The following COQ3 variants were observed in gnomAD, a reference collection of about 807,000 sequenced individuals.
COQ3 encodes ubiquinone biosynthesis O-methyltransferase, mitochondrial.
In COQ3, 29 loss-of-function variants were observed where a neutral mutation model predicts 33.1. The ratio of observed to expected loss-of-function variants is 0.88; its 90% CI spans 0.65 to 1.19. The LOEUF (loss-of-function observed/expected upper bound fraction) is 1.19, where lower values mean the gene tolerates loss of function less well. COQ3 is among the 50% of genes most tolerant of loss of function. The pLI is 0.00. For synonymous variants in COQ3, 173 were observed against 157.8 expected (o/e 1.10, Z -0.72); for missense variants, 437 against 430.7 (o/e 1.01, Z -0.13).
intron 1 of COQ3, 121 bp downstream of exon 1, chr6:99,393,953 G>A (rs1011979779): frequency 5.2e-6 from 4 of 765,826 alleles, no homozygotes; most frequent in African/African-American, 5.2e-5. Flanking sequence ...CCAAGCCTTA[G>A]GTTTCGCGCT....
intron 2 of COQ3, among the ~76,000 whole-genome samples, chr6:99,383,422 T>C (rs1352108845): frequency 6.6e-6 from 1 of 152,234 alleles, no homozygotes; most frequent in Non-Finnish European, 1.5e-5. Flanking sequence ...CTCTAAGTAA[T>C]AGCCTTATAT....
In COQ3 at chr6:99,377,320, T is replaced by C. The variant is rs566327378; in HGVS notation, c.486+66A>G. On this transcript the variant is annotated intron_variant, in intron 4 of 6. Coordinates refer to ENST00000254759, the MANE Select transcript of COQ3 (RefSeq NM_017421.4). Reference sequence around the variant, plus strand: ...TAATATTATTTGTTGAAAGAATAAATGAGGCACAAGTCTACTTCTTAATTT... The same window carrying C: ...TAATATTATTTGTTGAAAGAATAAACGAGGCACAAGTCTACTTCTTAATTT... The C allele has an allele frequency of 6.1e-6, 7 of 1,156,802 alleles. No individual in the cohort carries two copies. The Admixed American group carries it at 6.9e-5, about 11-fold the overall frequency. The allele number at this position is 1,156,802 out of a possible 1,614,324, so 71.7% of individuals were successfully genotyped here. A position where few individuals can be genotyped will look rare whatever the true frequency, so the allele number is the denominator to read the frequency against.
Position 99,375,980 on chromosome 6 carries a change from T to C in COQ3, c.689A>G (p.Asp230Gly). The C allele has an allele frequency of 6.2e-7, 1 of 1,614,062 alleles. No homozygotes were observed. The highest frequency in any genetic ancestry group is 8.5e-7 in the Non-Finnish European group (1 of 1,179,960). Residue 230 changes from aspartate to glycine, a missense_variant, in exon 5 of 7, where the codon GAT (aspartate) becomes GGT (glycine). Asp to Gly is a moderately conservative substitution (Grantham distance 94). Transcript: ENST00000254759. ...VASEVVEHVI[D>G]LETFLQCCCQ... ...GCAGCACTGTAAAAATGTTTCTAGA[T>C]CAATCACATGTTCTACAACTTCAGA...
At chr6:99,388,931 A>ACC (rs1214806298) in intron 1 of COQ3, among the ~76,000 whole-genome samples, 2 of 48,826 alleles carry the variant, frequency 4.1e-5, no homozygotes, top group African/African-American at 8.8e-5. Flanking sequence ...ACACACACAC[A>ACC]CACCCACATC....
intron 2 of COQ3, 82 bp from the exon 3 acceptor site, chr6:99,380,423 T>C: frequency 1.4e-6 from 2 of 1,417,282 alleles, no homozygotes; most frequent in Admixed American, 1.9e-5. Context: ...AGAAAGATAG[T>C]CTTATTTACA....
At chr6:99,370,440 C>T (rs1307890118) in intron 6 of COQ3, among the ~76,000 whole-genome samples, 1 of 146,858 alleles carries the variant, frequency 6.8e-6, no homozygotes, top group Non-Finnish European at 1.5e-5. Context: ...CCTCCATCTC[C>T]TGATTTCAAG....
chr6:99,380,211 C>T lies in COQ3; in HGVS notation c.364G>A (p.Asp122Asn). The part of the protein sequence containing the change: ...GVYAPLHSMN[D>N]LRVPFIRDNL... The stretch of plus-strand genomic sequence containing the variant: ...TACCTAATAAATGGCACCCTCAGGT[C>T]ATTCATGGAATGAAGAGGTGCATAT... Residue 122 changes from aspartate (D) to asparagine (N), a missense_variant, in exon 3 of 7, where the codon GAC (aspartate) becomes AAC (asparagine). Transcript: ENST00000254759. 1 of 1,613,920 alleles carries T rather than the reference C, an allele frequency of 6.2e-7. No individual in the cohort carries two copies. The highest frequency in any genetic ancestry group is 8.5e-7 in the Non-Finnish European group (1 of 1,179,904).
chr6:99,388,742 G>A (rs13214675), intron 1 of COQ3, among the ~76,000 whole-genome samples: 1 of 152,102 alleles, frequency 6.6e-6, no homozygotes, highest in Non-Finnish European at 1.5e-5. Context: ...GAGCTACTCA[G>A]GAGGCTGAGG....
intron 1 of COQ3, among the ~76,000 whole-genome samples, chr6:99,386,317 T>C (rs1042596980): frequency 6.6e-6 from 1 of 151,066 alleles, no homozygotes; most frequent in Non-Finnish European, 1.5e-5. Flanking sequence ...GTAATTCCAG[T>C]AACTCTGGAG....
chr6:99,380,630 T>A (rs1331063606), intron 2 of COQ3, among the ~76,000 whole-genome samples: 1 of 152,064 alleles, frequency 6.6e-6, no homozygotes, highest in Non-Finnish European at 1.5e-5. Flanking sequence ...ATAACAATAC[T>A]AATAGCTGGC....
chr6:99,380,733 C>G (rs1271981818), intron 2 of COQ3, among the ~76,000 whole-genome samples: 2 of 151,886 alleles, frequency 1.3e-5, no homozygotes, highest in Non-Finnish European at 2.9e-5. Flanking sequence ...TTAGTGAAAC[C>G]CTGTCTCTAC....
At chr6:99,388,037 G>A (rs1279916807) in intron 1 of COQ3, among the ~76,000 whole-genome samples, 2 of 152,098 alleles carry the variant, frequency 1.3e-5, no homozygotes, top group Non-Finnish European at 2.9e-5. Context: ...AGTGGCACAT[G>A]CCTGTAATCC....
At chr6:99,394,037 T>C in intron 1 of COQ3, 37 bp downstream of exon 1, 12 of 1,551,962 alleles carry the variant, frequency 7.7e-6, no homozygotes, top group Non-Finnish European at 1.1e-5. Flanking sequence ...GCGCTCGCAA[T>C]TGACTGCATG....
intron 1 of COQ3, among the ~76,000 whole-genome samples, chr6:99,385,144 C>CA (rs1774588468): frequency 1.3e-5 from 2 of 152,060 alleles, no homozygotes; most frequent in Non-Finnish European, 2.9e-5. Flanking sequence ...AACAGAATTT[C>CA]AAAACACATA....
At chr6:99,377,333 T>C in intron 4 of COQ3, 53 bp downstream of exon 4, 2 of 1,230,134 alleles carry the variant, frequency 1.6e-6, no homozygotes, top group Non-Finnish European at 2.4e-6. Context: ...GGCACAAGTC[T>C]ACTTCTTAAT....
intron 5 of COQ3, among the ~76,000 whole-genome samples, chr6:99,375,001 TTG>T (rs1272113086): frequency 6.6e-6 from 1 of 151,846 alleles, no homozygotes; most frequent in Non-Finnish European, 1.5e-5. Flanking sequence ...TTTTTTTTTT[TTG>T]AGACAGTTTC....
At chr6:99,387,711 C>G (rs1280255970) in intron 1 of COQ3, among the ~76,000 whole-genome samples, 1 of 152,040 alleles carries the variant, frequency 6.6e-6, no homozygotes, top group Non-Finnish European at 1.5e-5. Flanking sequence ...TACTGTTATT[C>G]AACATTGTAC....
chr6:99,379,917 C>T (rs1451799206), intron 3 of COQ3, among the ~76,000 whole-genome samples: 1 of 151,744 alleles, frequency 6.6e-6, no homozygotes, highest in Non-Finnish European at 1.5e-5. Context: ...CCATAAGACC[C>T]TAGTTTGCTT....
At chr6:99,383,623 G>T in intron 2 of COQ3, 75 bp downstream of exon 2, 1 of 1,143,122 alleles carries the variant, frequency 8.7e-7, no homozygotes, top group Non-Finnish European at 1.2e-6. Flanking sequence ...ATACTGACTG[G>T]GTTTATTAAA....
Sources: gnomAD v4.1 joint callset for allele counts (sites outside exome capture counted in the v4.1 genomes callset) on GRCh38, gnomAD v4.1.1 for gene constraint, MANE v1.5 for transcripts, NCBI Gene and HGNC (gene_info 2026-07-23, HGNC 2026-07-21) for gene names.